Variants in SPIN1 observed in about 807,000 individuals in gnomAD.
SPIN1 encodes spindlin-1.
In SPIN1, 3 loss-of-function variants were observed where a neutral mutation model predicts 26.0. The ratio of observed to expected loss-of-function variants is 0.12; its 90% CI spans 0.05 to 0.30. SPIN1 has a LOEUF of 0.30. Ranked by LOEUF, SPIN1 falls within the 10% of genes least tolerant of loss-of-function variation. The probability of loss-of-function intolerance (pLI) is 1.00; values close to 1 mark genes in which losing one functional copy is unlikely to be tolerated. For synonymous variants in SPIN1, 101 were observed against 116.5 expected (o/e 0.87, Z 0.86); for missense variants, 126 against 333.4 (o/e 0.38, Z 4.84).
intron 3 of SPIN1, among the ~76,000 whole-genome samples, chr9:88,461,741 G>A (rs906164140): frequency 3.9e-5 from 6 of 152,136 alleles, no homozygotes; most frequent in African/African-American, 1.4e-4. Context: ...GTTTTAAGGT[G>A]AAATGAAGAT....
intron 1 of SPIN1, among the ~76,000 whole-genome samples, chr9:88,396,878 A>C (rs10868771): frequency 6.6e-6 from 1 of 151,942 alleles, no homozygotes; most frequent in Non-Finnish European, 1.5e-5. Context: ...ACTGTAGACT[A>C]TTGGAACACA....
chr9:88,439,611 C>G (rs1027504567), intron 2 of SPIN1, among the ~76,000 whole-genome samples: 1 of 152,152 alleles, frequency 6.6e-6, no homozygotes, highest in African/African-American at 2.4e-5. Flanking sequence ...GTTAATCTGT[C>G]TCTTCCTATA....
chr9:88,436,214 T>A (rs1051907034), intron 2 of SPIN1, among the ~76,000 whole-genome samples: 1 of 152,100 alleles, frequency 6.6e-6, no homozygotes. Flanking sequence ...GGACTACAGG[T>A]GTGCTCCACA....
At chr9:88,423,004 C>T (rs1055901115) in intron 1 of SPIN1, among the ~76,000 whole-genome samples, 12 of 151,926 alleles carry the variant, frequency 7.9e-5, no homozygotes, top group African/African-American at 2.9e-4. Context: ...CCACCACACC[C>T]AGCTGAGGGA....
intron 3 of SPIN1, among the ~76,000 whole-genome samples, chr9:88,450,258 A>G (rs1002525860): frequency 2.0e-5 from 3 of 152,348 alleles, no homozygotes; most frequent in Admixed American, 6.5e-5. Context: ...AGCCATAAAT[A>G]TTAGGTAATG....
chr9:88,426,183 T>A (rs546361163), intron 1 of SPIN1, among the ~76,000 whole-genome samples, 199 bp from the exon 2 acceptor site: 1 of 152,338 alleles, frequency 6.6e-6, no homozygotes, highest in East Asian at 1.9e-4. Context: ...CTTCTTTTTT[T>A]AAAGAGTCTA....
chr9:88,414,495 C>G (rs1346017125), intron 1 of SPIN1, among the ~76,000 whole-genome samples: 1 of 152,166 alleles, frequency 6.6e-6, no homozygotes, highest in South Asian at 2.1e-4. Flanking sequence ...CCACAGTCAG[C>G]AATTCTGTTT....
At chr9:88,451,203 T>G (rs1022843229) in intron 3 of SPIN1, among the ~76,000 whole-genome samples, 7 of 152,216 alleles carry the variant, frequency 4.6e-5, no homozygotes, top group African/African-American at 1.4e-4. Context: ...GCCACCTGGC[T>G]TGACACTGGG....
chr9:88,459,673 C>T (rs1000213358), intron 3 of SPIN1, among the ~76,000 whole-genome samples: 2 of 152,138 alleles, frequency 1.3e-5, no homozygotes, highest in Admixed American at 6.5e-5. Flanking sequence ...CTCTCCTTGC[C>T]GCCATTTGTT....
intron 2 of SPIN1, among the ~76,000 whole-genome samples, chr9:88,446,414 T>G (rs1564035850): frequency 1.3e-5 from 2 of 151,546 alleles, no homozygotes; most frequent in African/African-American, 2.4e-5. Context: ...TGCTGTTTTT[T>G]TTTTTTTTTT....
At chr9:88,448,022 G>T (rs1214349430) in intron 2 of SPIN1, among the ~76,000 whole-genome samples, 2 of 151,800 alleles carry the variant, frequency 1.3e-5, no homozygotes, top group African/African-American at 4.8e-5. Context: ...TTATGGCTAG[G>T]ATTGTCACTT....
At chr9:88,467,654 A>G (rs1256310246) in intron 4 of SPIN1, among the ~76,000 whole-genome samples, 1 of 152,144 alleles carries the variant, frequency 6.6e-6, no homozygotes, top group Admixed American at 6.6e-5. Flanking sequence ...GGCTATGGTG[A>G]GCAGTTTGGT....
At chr9:88,426,769 C>CA (rs1477331196) in intron 2 of SPIN1, among the ~76,000 whole-genome samples, 178 bp downstream of exon 2, 2 of 152,160 alleles carry the variant, frequency 1.3e-5, no homozygotes, top group Non-Finnish European at 2.9e-5. Flanking sequence ...GGGAAGTAGT[C>CA]ACATGAAATT....
At chr9:88,434,390 T>C (rs1827955394) in intron 2 of SPIN1, among the ~76,000 whole-genome samples, 1 of 134,416 alleles carries the variant, frequency 7.4e-6, no homozygotes, top group African/African-American at 3.2e-5. Flanking sequence ...AATTATAAAA[T>C]AGTTTATTTT....
chr9:88,468,712 T>C, intron 5 of SPIN1, 107 bp downstream of exon 5: 1 of 653,654 alleles, frequency 1.5e-6, no homozygotes, highest in Non-Finnish European at 2.2e-6. Flanking sequence ...TTTTTGGATA[T>C]ATGATTCTTT....
chr9:88,395,050 T>C (rs997292739), intron 1 of SPIN1, among the ~76,000 whole-genome samples: 15 of 151,900 alleles, frequency 9.9e-5, no homozygotes, highest in African/African-American at 2.9e-4. Flanking sequence ...CCTCGTGATC[T>C]GTCCGCCTCG....
chr9:88,407,753 G>A (rs1433114827), intron 1 of SPIN1, among the ~76,000 whole-genome samples: 1 of 149,872 alleles, frequency 6.7e-6, no homozygotes, highest in African/African-American at 2.5e-5. Context: ...CCTATGACTG[G>A]AATCTCTCTC....
At chr9:88,405,121 T>G (rs981162887) in intron 1 of SPIN1, among the ~76,000 whole-genome samples, 5 of 152,144 alleles carry the variant, frequency 3.3e-5, no homozygotes, top group Non-Finnish European at 5.9e-5. Context: ...TTTTTATAAA[T>G]AAGTATGAGT....
intron 2 of SPIN1, among the ~76,000 whole-genome samples, chr9:88,435,523 C>T (rs1827982586): frequency 1.3e-5 from 2 of 152,134 alleles, no homozygotes; most frequent in African/African-American, 2.4e-5. Flanking sequence ...ACAGTCTTGC[C>T]AGTGACATAT....
Sources: allele counts gnomAD v4.1 joint callset (sites outside exome capture counted in the v4.1 genomes callset), GRCh38; gene constraint gnomAD v4.1.1; transcripts MANE v1.5; gene names NCBI Gene and HGNC (gene_info 2026-07-23, HGNC 2026-07-21).